Variants in WDFY3 observed in about 807,000 individuals in gnomAD.
The protein encoded by WDFY3 is WD repeat and FYVE domain containing 3.
In WDFY3, 66 loss-of-function variants were observed where a neutral mutation model predicts 409.6. The observed-to-expected ratio is 0.16, with a 90% CI of 0.13 to 0.20. The LOEUF (loss-of-function observed/expected upper bound fraction) is 0.20, where lower values mean the gene tolerates loss of function less well. WDFY3 is among the 10% of genes least tolerant of loss of function. The pLI, the probability that WDFY3 is intolerant of heterozygous loss-of-function variation, is 1.00. For synonymous variants in WDFY3, 1,521 were observed against 1,537.1 expected, an observed-to-expected ratio of 0.99 and a Z score of 0.25; for missense variants, 3,031 against 4,298.1, an observed-to-expected ratio of 0.71 and a Z score of 8.24.
intron 3 of WDFY3, among the ~76,000 whole-genome samples, chr4:84,891,981 A>G (rs937303503): frequency 2.0e-5 from 3 of 152,152 alleles, no homozygotes; most frequent in Admixed American, 2.0e-4. Context: ...ATAACCCTGC[A>G]AACAGAAATT....
At chr4:84,745,913 T>G (rs1739355741) in intron 36 of WDFY3, among the ~76,000 whole-genome samples, 1 of 152,028 alleles carries the variant, frequency 6.6e-6, no homozygotes, top group African/African-American at 2.4e-5. Context: ...CCAGGAGGCT[T>G]TCCTTATATC....
intron 52 of WDFY3, 46 bp from the exon 53 acceptor site, chr4:84,709,074 C>G: frequency 1.2e-6 from 2 of 1,601,408 alleles, no homozygotes; most frequent in Non-Finnish European, 1.7e-6. Flanking sequence ...ATTATTTCCA[C>G]TATGTTCAGC....
intron 13 of WDFY3, among the ~76,000 whole-genome samples, chr4:84,811,610 G>A (rs1752506936): frequency 1.3e-5 from 2 of 152,092 alleles, no homozygotes; most frequent in African/African-American, 4.8e-5. Flanking sequence ...TCTTTTTCAT[G>A]GATACAGTGG....
At chr4:84,950,114 T>C (rs534505752) in intron 1 of WDFY3, among the ~76,000 whole-genome samples, 2 of 152,262 alleles carry the variant, frequency 1.3e-5, no homozygotes, top group East Asian at 3.9e-4. Flanking sequence ...TGGATGAAGC[T>C]GGAAAACATC....
At chr4:84,912,166 G>C (rs971188008) in intron 2 of WDFY3, among the ~76,000 whole-genome samples, 1 of 152,164 alleles carries the variant, frequency 6.6e-6, no homozygotes, top group African/African-American at 2.4e-5. Flanking sequence ...CTCATACGAA[G>C]TGCCACTAGT....
chr4:84,837,817 T>G (rs1020767215), intron 6 of WDFY3, among the ~76,000 whole-genome samples: 5 of 152,158 alleles, frequency 3.3e-5, no homozygotes. Context: ...ATTAGTTAGT[T>G]TACTTTCTCA....
intron 63 of WDFY3, among the ~76,000 whole-genome samples, chr4:84,683,288 T>C (rs565507902): frequency 1.7e-4 from 26 of 152,294 alleles, no homozygotes; most frequent in African/African-American, 5.8e-4. Flanking sequence ...TCACTGTCTT[T>C]CAACATGTGA....
intron 3 of WDFY3, chr4:84,879,600 A>C (rs1206942083): frequency 6.6e-6 from 1 of 151,952 alleles, no homozygotes; most frequent in Middle Eastern, 3.2e-3. Flanking sequence ...GAAACAAAAC[A>C]AAAATTATAC....
intron 3 of WDFY3, among the ~76,000 whole-genome samples, chr4:84,895,922 T>C (rs908361771): frequency 5.3e-5 from 8 of 152,050 alleles, no homozygotes; most frequent in Admixed American, 2.6e-4. Flanking sequence ...TACAAATTAG[T>C]GCAAAAGATA....
intron 19 of WDFY3, among the ~76,000 whole-genome samples, chr4:84,796,080 T>C (rs1749387585): frequency 6.6e-6 from 1 of 151,904 alleles, no homozygotes; most frequent in Admixed American, 6.6e-5. Flanking sequence ...TTACATTAGA[T>C]GTTGGCAGAC....
chr4:84,709,245 A>G (rs1034677515), intron 52 of WDFY3, 48 bp downstream of exon 52: 1 of 1,542,638 alleles, frequency 6.5e-7, no homozygotes, highest in Non-Finnish European at 8.8e-7. Context: ...TATGACTTCT[A>G]CTCTAATTAC....
At chr4:84,882,896 T>C (rs1220039630) in intron 3 of WDFY3, among the ~76,000 whole-genome samples, 3 of 152,048 alleles carry the variant, frequency 2.0e-5, no homozygotes, top group Non-Finnish European at 4.4e-5. Flanking sequence ...TTTGTAGAGT[T>C]GGGGTCTCAC....
At chr4:84,907,537 CT>C (rs1482366579) in intron 2 of WDFY3, among the ~76,000 whole-genome samples, 1 of 152,168 alleles carries the variant, frequency 6.6e-6, no homozygotes, top group Non-Finnish European at 1.5e-5. Flanking sequence ...CCAGTCAAGC[CT>C]TTAGATAGCT....
chr4:84,816,161 A>C (rs1753270222), intron 13 of WDFY3, among the ~76,000 whole-genome samples: 1 of 152,136 alleles, frequency 6.6e-6, no homozygotes, highest in Admixed American at 6.6e-5. Flanking sequence ...CTTACAACGG[A>C]AAATTGTATT....
intron 2 of WDFY3, among the ~76,000 whole-genome samples, chr4:84,921,320 A>C (rs956809375): frequency 5.3e-5 from 8 of 152,120 alleles, no homozygotes; most frequent in African/African-American, 1.9e-4. Flanking sequence ...AAGAAATTTA[A>C]GGAAAAGAAG....
intron 36 of WDFY3, among the ~76,000 whole-genome samples, chr4:84,744,288 T>G (rs1738968177): frequency 6.6e-6 from 1 of 151,722 alleles, no homozygotes; most frequent in South Asian, 2.1e-4. Flanking sequence ...ATAAAGCCAT[T>G]AAAACTAATA....
At chr4:84,867,509 T>C (rs1761553239) in intron 3 of WDFY3, among the ~76,000 whole-genome samples, 1 of 152,176 alleles carries the variant, frequency 6.6e-6, no homozygotes, top group African/African-American at 2.4e-5. Flanking sequence ...GAAAAAATAA[T>C]GTTAGGACTG....
intron 2 of WDFY3, among the ~76,000 whole-genome samples, chr4:84,909,761 A>T (rs1474792598): frequency 2.0e-5 from 3 of 152,100 alleles, no homozygotes; most frequent in African/African-American, 7.2e-5. Flanking sequence ...TGGTCTTTTC[A>T]TTATTGCATT....
At chr4:84,759,402 C>T (rs1263170547) in intron 32 of WDFY3, among the ~76,000 whole-genome samples, 1 of 152,100 alleles carries the variant, frequency 6.6e-6, no homozygotes, top group African/African-American at 2.4e-5. Context: ...GGCAGTATGA[C>T]CATTTTCATG....
Sources: gnomAD v4.1 joint callset for allele counts (sites outside exome capture counted in the v4.1 genomes callset) on GRCh38, gnomAD v4.1.1 for gene constraint, MANE v1.5 for transcripts, NCBI Gene and HGNC (gene_info 2026-07-23, HGNC 2026-07-21) for gene names.